The following EYS variants were observed in gnomAD, a reference collection of about 807,000 sequenced individuals.
EYS encodes EGF-like photoreceptor maintenance factor.
A neutral mutation model predicts 282.1 loss-of-function variants in EYS; 250 were observed. The ratio of observed to expected loss-of-function variants is 0.89; its 90% CI spans 0.80 to 0.98. The LOEUF (loss-of-function observed/expected upper bound fraction) is 0.98, where lower values mean the gene tolerates loss of function less well. Ranked by LOEUF, EYS falls within the 50% of genes least tolerant of loss-of-function variation. EYS has a pLI of 0.00. For synonymous variants in EYS, 1,355 were observed against 1,282.9 expected, an observed-to-expected ratio of 1.06 and a Z score of -1.20; for missense variants, 4,016 against 3,709.0, an observed-to-expected ratio of 1.08 and a Z score of -2.15.
intron 22 of EYS, among the ~76,000 whole-genome samples, chr6:64,671,530 T>C (rs1469235644): frequency 6.6e-6 from 1 of 152,112 alleles, no homozygotes; most frequent in African/African-American, 2.4e-5. Flanking sequence ...CCAAAAGAGC[T>C]AAGAACCATC....
intron 19 of EYS, among the ~76,000 whole-genome samples, chr6:64,876,286 A>T (rs1233774475): frequency 6.6e-6 from 1 of 152,152 alleles, no homozygotes; most frequent in Non-Finnish European, 1.5e-5. Flanking sequence ...TTTAAAAGTC[A>T]GAATTTTATT....
intron 12 of EYS, among the ~76,000 whole-genome samples, chr6:65,127,781 A>C (rs1037400203): frequency 6.6e-6 from 1 of 152,050 alleles, no homozygotes; most frequent in African/African-American, 2.4e-5. Flanking sequence ...TCATCTCCCA[A>C]ATGAAGAGCC....
chr6:64,801,843 C>T (rs1202748546), intron 22 of EYS, among the ~76,000 whole-genome samples: 3 of 151,862 alleles, frequency 2.0e-5, no homozygotes, highest in Admixed American at 6.6e-5. Context: ...AGAAATGTAC[C>T]ATACCCGTCT....
intron 31 of EYS, among the ~76,000 whole-genome samples, chr6:64,188,768 T>A (rs1765020032): frequency 1.3e-5 from 2 of 152,268 alleles, no homozygotes; most frequent in South Asian, 4.1e-4. Flanking sequence ...TAATATAGAA[T>A]AAATGAACGT....
intron 19 of EYS, among the ~76,000 whole-genome samples, chr6:64,844,585 A>C (rs1765665924): frequency 6.6e-6 from 1 of 152,030 alleles, no homozygotes; most frequent in South Asian, 2.1e-4. Flanking sequence ...TTCACCTACT[A>C]GTTCTAAGTG....
At chr6:64,514,833 G>A (rs1247498023) in intron 26 of EYS, among the ~76,000 whole-genome samples, 1 of 151,706 alleles carries the variant, frequency 6.6e-6, no homozygotes, top group African/African-American at 2.4e-5. Context: ...TTAAAGAGGT[G>A]GGAGGACCAG....
At chr6:64,218,308 G>T (rs1765994218) in intron 31 of EYS, among the ~76,000 whole-genome samples, 1 of 152,006 alleles carries the variant, frequency 6.6e-6, no homozygotes, top group African/African-American at 2.4e-5. Context: ...ACTCCTTCTT[G>T]TGTCCCTTTG....
At chr6:64,900,538 AAAAC>A (rs1427168679) in intron 18 of EYS, among the ~76,000 whole-genome samples, 2 of 152,236 alleles carry the variant, frequency 1.3e-5, no homozygotes, top group Admixed American at 6.5e-5. Flanking sequence ...TTACAAGAAA[AAAAC>A]AAACAATCCC....
At chr6:64,287,355 G>T (rs994147552) in intron 30 of EYS, among the ~76,000 whole-genome samples, 1 of 151,964 alleles carries the variant, frequency 6.6e-6, no homozygotes, top group Non-Finnish European at 1.5e-5. Context: ...TTAAAATGAT[G>T]CTATTTTTAA....
intron 33 of EYS, among the ~76,000 whole-genome samples, chr6:64,042,952 G>T (rs1224284195): frequency 6.6e-6 from 1 of 152,062 alleles, no homozygotes; most frequent in Non-Finnish European, 1.5e-5. Flanking sequence ...GGTTGCTTGG[G>T]TTTGAATTCT....
chr6:64,882,627 C>T (rs1766959091), intron 19 of EYS, among the ~76,000 whole-genome samples: 1 of 151,190 alleles, frequency 6.6e-6, no homozygotes, highest in Non-Finnish European at 1.5e-5. Flanking sequence ...TTATAGTTAT[C>T]AATCAAACAA....
intron 36 of EYS, among the ~76,000 whole-genome samples, chr6:63,823,989 A>G (rs1166492972): frequency 6.6e-6 from 1 of 152,194 alleles, no homozygotes; most frequent in Non-Finnish European, 1.5e-5. Flanking sequence ...AGATACTCCA[A>G]TTTCTATAAC....
intron 1 of EYS, among the ~76,000 whole-genome samples, chr6:65,641,481 G>C (rs948463367): frequency 1.3e-5 from 2 of 152,198 alleles, no homozygotes; most frequent in East Asian, 1.9e-4. Context: ...GTTCTTCAGA[G>C]AGGAGGAGAG....
chr6:65,294,003 A>G (rs992985701), intron 12 of EYS, among the ~76,000 whole-genome samples: 1 of 151,846 alleles, frequency 6.6e-6, no homozygotes, highest in African/African-American at 2.4e-5. Flanking sequence ...GGAGGGGGGA[A>G]AAGAGACAGC....
At chr6:64,438,177 T>C (rs1405603900) in intron 27 of EYS, among the ~76,000 whole-genome samples, 4 of 151,720 alleles carry the variant, frequency 2.6e-5, no homozygotes, top group African/African-American at 9.7e-5. Context: ...GAAAGGTTCT[T>C]ATAACACTTA....
intron 26 of EYS, 32 bp from the exon 27 acceptor site, chr6:64,439,384 T>A: frequency 7.3e-7 from 1 of 1,373,710 alleles, no homozygotes; most frequent in Non-Finnish European, 9.7e-7. Context: ...ACAATTTAGG[T>A]TGAAATAAAT....
chr6:64,249,063 CAAAAAAAAA>C (rs34663169), intron 30 of EYS, among the ~76,000 whole-genome samples: 1 of 70,060 alleles, frequency 1.4e-5, no homozygotes, highest in Non-Finnish European at 2.5e-5. Flanking sequence ...CACCCTGTCT[CAAAAAAAAA>C]AAAAAAAAAA....
intron 31 of EYS, among the ~76,000 whole-genome samples, chr6:64,121,462 C>T (rs1028568547): frequency 2.0e-5 from 3 of 152,136 alleles, no homozygotes; most frequent in African/African-American, 2.4e-5. Flanking sequence ...TAATATGTGG[C>T]GGAGCTAACA....
chr6:64,867,345 T>C (rs1223328849), intron 19 of EYS, among the ~76,000 whole-genome samples: 7 of 151,806 alleles, frequency 4.6e-5, no homozygotes. Context: ...TTTAAATTTG[T>C]CCTGTCTTCT....
Sources: allele counts gnomAD v4.1 joint callset (sites outside exome capture counted in the v4.1 genomes callset), GRCh38; gene constraint gnomAD v4.1.1; transcripts MANE v1.5; gene names NCBI Gene and HGNC (gene_info 2026-07-23, HGNC 2026-07-21).